TRDN: variants seen among roughly 807,000 people sequenced by gnomAD.
TRDN encodes triadin in skeletal muscle.
TRDN carries 161 observed loss-of-function variants against 149.7 expected under a neutral mutation model. The ratio of observed to expected loss-of-function variants is 1.08; its 90% confidence interval spans 0.95 to 1.23. The LOEUF is 1.23. TRDN is among the 50% of genes most tolerant of loss of function. The pLI is 0.00. For missense variants in TRDN, 896 were observed against 823.5 expected (o/e 1.09, Z -1.08); for synonymous variants, 294 against 250.5 (o/e 1.17, Z -1.64).
At chr6:123,561,262 CATTT>C (rs1781978078) in intron 2 of TRDN, among the ~76,000 whole-genome samples, 1 of 152,062 alleles carries the variant, frequency 6.6e-6, no homozygotes, top group Non-Finnish European at 1.5e-5. Context: ...TTCAGTGAAA[CATTT>C]ATATACCTTA....
At chr6:123,546,995 T>A (rs545902790) in intron 4 of TRDN, among the ~76,000 whole-genome samples, 11 of 152,080 alleles carry the variant, frequency 7.2e-5, no homozygotes, top group African/African-American at 2.4e-4. Flanking sequence ...TTAAAATCAA[T>A]AAATCTGACC....
intron 33 of TRDN, among the ~76,000 whole-genome samples, chr6:123,264,473 G>A (rs1776871231): frequency 6.6e-6 from 1 of 152,070 alleles, no homozygotes; most frequent in Non-Finnish European, 1.5e-5. Flanking sequence ...AGAAAAGAAA[G>A]TGGATACTTG....
chr6:123,233,837 T>C (rs191364425), intron 38 of TRDN, among the ~76,000 whole-genome samples: 4 of 152,210 alleles, frequency 2.6e-5, no homozygotes, highest in African/African-American at 4.8e-5. Context: ...TTGTATCCAT[T>C]TTGACACAAA....
intron 9 of TRDN, among the ~76,000 whole-genome samples, chr6:123,477,979 C>T (rs1309172254): frequency 6.6e-6 from 1 of 151,482 alleles, no homozygotes; most frequent in Non-Finnish European, 1.5e-5. Flanking sequence ...TTAGTGGGTG[C>T]AGCGCACCAG....
rs570695199 is a variant in TRDN at position 123,460,329 on chromosome 6, T to TA, written c.931+4576dup. Among the ~76,000 whole-genome samples, 90 of 152,328 alleles carry TA rather than the reference T, an allele frequency of 5.9e-4. 2 individuals carry two copies. Among genetic ancestry groups the TA allele is most frequent in the Admixed American group, 5.8e-3 (89 of 15,302 alleles). On this transcript the variant is annotated intron_variant, in intron 10 of 40. Coordinates refer to ENST00000334268, the MANE Select transcript of TRDN (RefSeq NM_006073.4). ...GAGCTACCATAAAATTAATGGTTTT[T>TA]ATATGTATAAGAAATTTCCTGATGT...
chr6:123,415,715 A>G (rs1773620691), intron 12 of TRDN, among the ~76,000 whole-genome samples: 1 of 152,204 alleles, frequency 6.6e-6, no homozygotes, highest in South Asian at 2.1e-4. Context: ...AAGACCTAAT[A>G]AAGGTCAATG....
At chr6:123,472,841 C>T (rs1777254772) in intron 9 of TRDN, among the ~76,000 whole-genome samples, 1 of 152,152 alleles carries the variant, frequency 6.6e-6, no homozygotes, top group South Asian at 2.1e-4. Context: ...CACACTGACA[C>T]CTCACACGGC....
At chr6:123,471,895 A>G (rs1777173930) in intron 9 of TRDN, 1 of 152,202 alleles carries the variant, frequency 6.6e-6, no homozygotes, top group South Asian at 2.1e-4. Flanking sequence ...CCTGTCTGTG[A>G]CAGAATACCT....
chr6:123,540,624 A>G (rs1780781838), intron 4 of TRDN, among the ~76,000 whole-genome samples: 1 of 152,112 alleles, frequency 6.6e-6, no homozygotes, highest in Admixed American at 6.5e-5. Context: ...GCTTCACGCC[A>G]TTCTCCCGCC....
intron 10 of TRDN, among the ~76,000 whole-genome samples, chr6:123,452,697 A>G (rs1415248343): frequency 1.3e-5 from 2 of 152,184 alleles, no homozygotes; most frequent in Non-Finnish European, 2.9e-5. Flanking sequence ...TGCAAATTCA[A>G]TGCAATCCCC....
At chr6:123,375,830 T>G (rs1006540655) in intron 18 of TRDN, among the ~76,000 whole-genome samples, 199 bp from the exon 19 acceptor site, 3 of 152,174 alleles carry the variant, frequency 2.0e-5, no homozygotes, top group Admixed American at 6.5e-5. Flanking sequence ...CCATGAATTA[T>G]AGAATTTTAT....
intron 22 of TRDN, among the ~76,000 whole-genome samples, chr6:123,335,407 A>G (rs1260585704): frequency 6.6e-6 from 1 of 151,866 alleles, no homozygotes; most frequent in Non-Finnish European, 1.5e-5. Flanking sequence ...AAAATTATCT[A>G]CTATTTTCTC....
intron 10 of TRDN, chr6:123,442,378 C>G (rs1774957580): frequency 8.7e-6 from 1 of 115,550 alleles, no homozygotes; most frequent in Non-Finnish European, 1.7e-5. Context: ...CCCGTCTCTA[C>G]TAAAAATACA....
intron 24 of TRDN, among the ~76,000 whole-genome samples, chr6:123,288,520 A>G (rs1258775699): frequency 6.6e-6 from 1 of 152,128 alleles, no homozygotes; most frequent in Non-Finnish European, 1.5e-5. Flanking sequence ...TTGAGGACTC[A>G]AACATTTCAA....
intron 4 of TRDN, among the ~76,000 whole-genome samples, chr6:123,543,327 A>C (rs1780944781): frequency 6.6e-6 from 1 of 152,184 alleles, no homozygotes; most frequent in Non-Finnish European, 1.5e-5. Flanking sequence ...TGGTAAGCAA[A>C]TAGTACATGT....
chr6:123,587,225 G>A (rs909692405), intron 1 of TRDN, among the ~76,000 whole-genome samples: 2 of 152,266 alleles, frequency 1.3e-5, no homozygotes, highest in East Asian at 1.9e-4. Flanking sequence ...AAACCTGGAC[G>A]AATAATCAGA....
chr6:123,468,030 G>A lies in TRDN; in HGVS notation c.854-3047C>T, dbSNP rs1370471733. Among the ~76,000 whole-genome samples, 8 of 152,194 alleles carry A rather than the reference G, an allele frequency of 5.3e-5. No homozygotes were observed. In the East Asian group the frequency reaches 1.5e-3, roughly 29 times the overall value. ...GGTGTTATAGAGATTAAGTGATGAA[G>A]CACCCAGTGCATGGCAGATACTCAA... On this transcript the variant is annotated intron_variant, in intron 9 of 40. Coordinates refer to ENST00000334268, the MANE Select transcript of TRDN (RefSeq NM_006073.4).
intron 38 of TRDN, among the ~76,000 whole-genome samples, chr6:123,230,531 TATAATAATA>T (rs72156427): frequency 4.7e-5 from 7 of 148,754 alleles, no homozygotes; most frequent in Non-Finnish European, 8.9e-5. Context: ...GAACTTAAAG[TATAATAATA>T]ATAATAATAA....
chr6:123,539,851 T>A (rs1001325352), intron 4 of TRDN, among the ~76,000 whole-genome samples: 1 of 152,200 alleles, frequency 6.6e-6, no homozygotes, highest in Non-Finnish European at 1.5e-5. Flanking sequence ...ATTCCCTATT[T>A]ATAGCATTAC....
Sources: allele counts gnomAD v4.1 joint callset (sites outside exome capture counted in the v4.1 genomes callset), GRCh38; gene constraint gnomAD v4.1.1; transcripts MANE v1.5; gene names NCBI Gene and HGNC (gene_info 2026-07-23, HGNC 2026-07-21).